LIAT1: variants seen among roughly 807,000 people sequenced by gnomAD.
The protein encoded by LIAT1 is protein LIAT1.
chr17:410,583 G>C, the LIAT1 span: 1 of 1,546,350 alleles, frequency 6.5e-7, no homozygotes, highest in Non-Finnish European at 8.7e-7. Context: ...CTCCGAGCTG[G>C]CCAAACGGAA....
chr17:414,254 C>T, the LIAT1 span: 1 of 1,072,152 alleles, frequency 9.3e-7, no homozygotes, highest in Non-Finnish European at 1.3e-6. The surrounding 1 kb of genome is among the most constrained non-coding windows in gnomAD (Gnocchi z 4.1). Flanking sequence ...CCGACTCTCC[C>T]ATCACCAAGC....
At chr17:414,243 G>A in the LIAT1 span, 16 of 1,196,716 alleles carry the variant, frequency 1.3e-5, no homozygotes, top group Middle Eastern at 2.8e-4. The surrounding 1 kb of genome is among the most constrained non-coding windows in gnomAD (Gnocchi z 4.1). Flanking sequence ...CACGGACGAC[G>A]CCGACTCTCC....
At chr17:410,566 G>A in the LIAT1 span, 15 of 1,546,714 alleles carry the variant, frequency 9.7e-6, no homozygotes, top group South Asian at 1.8e-4. Context: ...CCCATCACAG[G>A]CGGCGCCTCC....
the LIAT1 span, chr17:413,670 A>C: frequency 6.4e-7 from 1 of 1,564,372 alleles, no homozygotes; most frequent in South Asian, 1.1e-5. Flanking sequence ...AAGGGTTTCC[A>C]CACTGACCCC....
At chr17:410,690 GGA>G in the LIAT1 span, 1 of 1,517,994 alleles carries the variant, frequency 6.6e-7, no homozygotes, top group Non-Finnish European at 8.8e-7. Flanking sequence ...CCGGTTCCCT[GGA>G]GACTCTTTGG....
chr17:412,424 C>A, the LIAT1 span, among the ~76,000 whole-genome samples: 3 of 152,024 alleles, frequency 2.0e-5, no homozygotes, highest in African/African-American at 7.3e-5. Context: ...GCAGGGGGCA[C>A]CAGATAGTTT....
At chr17:413,010 TG>T in the LIAT1 span, 1 of 878,756 alleles carries the variant, frequency 1.1e-6, no homozygotes, top group Non-Finnish European at 1.7e-6. Context: ...GGCACGAGGC[TG>T]GTGGGCTTGG....
the LIAT1 span, among the ~76,000 whole-genome samples, chr17:410,980 A>G: frequency 6.6e-6 from 1 of 152,058 alleles, no homozygotes; most frequent in Non-Finnish European, 1.5e-5. Context: ...CGCCTTCCCC[A>G]CAGAGGCCCT....
the LIAT1 span, chr17:413,213 C>T: frequency 6.2e-7 from 1 of 1,614,200 alleles, no homozygotes; most frequent in South Asian, 1.1e-5. Flanking sequence ...CATCTTAAGT[C>T]CTTGCAAAGA....
the LIAT1 span, chr17:413,026 C>A: frequency 8.7e-7 from 1 of 1,152,462 alleles, no homozygotes; most frequent in Non-Finnish European, 1.2e-6. Context: ...GCTTGGCAGC[C>A]TGAGCCCTGG....
chr17:414,260 C>T, the LIAT1 span: 1 of 1,026,118 alleles, frequency 9.7e-7, no homozygotes, highest in Non-Finnish European at 1.4e-6. This position sits in a 1 kb window ranked among gnomAD's most constrained non-coding sequence, Gnocchi z 4.1. Context: ...CTCCCATCAC[C>T]AAGCTGCCCT....
the LIAT1 span, chr17:414,171 G>C: frequency 1.3e-6 from 2 of 1,554,150 alleles, no homozygotes; most frequent in South Asian, 2.4e-5. The surrounding 1 kb of genome is among the most constrained non-coding windows in gnomAD (Gnocchi z 4.1). Flanking sequence ...AAGTTTATGT[G>C]TTAAAAACCA....
the LIAT1 span, chr17:410,392 T>A: frequency 6.6e-7 from 1 of 1,524,572 alleles, no homozygotes; most frequent in Admixed American, 2.1e-5. Context: ...AGTCGCCGAT[T>A]AGTCGGCATC....
At chr17:412,801 G>A in the LIAT1 span, among the ~76,000 whole-genome samples, 1 of 152,226 alleles carries the variant, frequency 6.6e-6, no homozygotes, top group Middle Eastern at 3.2e-3. Flanking sequence ...GGGGCATTGG[G>A]GGCCCAGCCT....
chr17:413,126 A>T, the LIAT1 span: 7 of 1,610,450 alleles, frequency 4.3e-6, no homozygotes, highest in African/African-American at 9.4e-5. Flanking sequence ...CACAAACACT[A>T]ACCTGCTCAT....
chr17:413,095 C>A, the LIAT1 span: 331 of 1,580,850 alleles, frequency 2.1e-4, 1 homozygote, highest in Non-Finnish European at 2.7e-4. Context: ...CCATCCCCAG[C>A]AGGCCAAGGT....
the LIAT1 span, among the ~76,000 whole-genome samples, chr17:412,410 A>G: frequency 7.9e-5 from 12 of 152,272 alleles, 1 homozygote; most frequent in Admixed American, 7.2e-4. Flanking sequence ...GCCTCATACC[A>G]TCAGCAGGGG....
At chr17:414,245 C>T in the LIAT1 span, 66 of 1,177,738 alleles carry the variant, frequency 5.6e-5, no homozygotes, top group Non-Finnish European at 6.9e-5. This position sits in a 1 kb window ranked among gnomAD's most constrained non-coding sequence, Gnocchi z 4.1. Context: ...CGGACGACGC[C>T]GACTCTCCCA....
the LIAT1 span, chr17:413,170 G>A: frequency 7.4e-6 from 12 of 1,614,028 alleles, no homozygotes; most frequent in East Asian, 2.2e-5. Flanking sequence ...GTCAGAGCCT[G>A]AAGAGCCAGC....
Sources: allele counts gnomAD v4.1 joint callset (sites outside exome capture counted in the v4.1 genomes callset), GRCh38; gene constraint gnomAD v4.1.1; non-coding constraint Gnocchi (gnomAD v3.1); transcripts MANE v1.5; gene names NCBI Gene and HGNC (gene_info 2026-07-23, HGNC 2026-07-21).